The following PCP4L1 variants were observed in gnomAD, a reference collection of about 807,000 sequenced individuals.
The protein encoded by PCP4L1 is Purkinje cell protein 4-like protein 1.
Under a neutral mutation model 9.6 loss-of-function variants are expected in PCP4L1, and 9 were observed. The observed-to-expected ratio is 0.94, with a 90% CI of 0.57 to 1.64. The LOEUF is 1.64. PCP4L1 is among the 40% of genes most tolerant of loss of function. The pLI is 0.00. For synonymous variants in PCP4L1, 31 were observed against 28.2 expected (o/e 1.10, Z -0.31); for missense variants, 81 against 80.8 (o/e 1.00, Z -0.01).
chr1:161,262,590 A>G (rs1669438444), intron 1 of PCP4L1, among the ~76,000 whole-genome samples: 1 of 152,142 alleles, frequency 6.6e-6, no homozygotes, highest in African/African-American at 2.4e-5. Context: ...GTAGAAGTGG[A>G]TGACTTTGTC....
intron 1 of PCP4L1, among the ~76,000 whole-genome samples, chr1:161,271,800 T>G (rs1669629104): frequency 6.7e-6 from 1 of 149,208 alleles, no homozygotes; most frequent in African/African-American, 2.5e-5. Context: ...CTGTGCCTGA[T>G]CTTTTTTTCT....
intron 1 of PCP4L1, among the ~76,000 whole-genome samples, chr1:161,276,893 A>AT (rs1320381929): frequency 3.3e-5 from 5 of 152,096 alleles, no homozygotes; most frequent in African/African-American, 1.2e-4. Context: ...ATTTTTAATA[A>AT]TTTTTTTCTA....
intron 1 of PCP4L1, among the ~76,000 whole-genome samples, chr1:161,263,189 C>T (rs1321559207): frequency 6.6e-6 from 1 of 152,146 alleles, no homozygotes; most frequent in Admixed American, 6.5e-5. Flanking sequence ...CCACAAGACT[C>T]CTTTAACATT....
intron 1 of PCP4L1, among the ~76,000 whole-genome samples, chr1:161,262,197 G>A (rs1669427965): frequency 6.6e-6 from 1 of 152,096 alleles, no homozygotes; most frequent in Non-Finnish European, 1.5e-5. Context: ...CACTTGGGGA[G>A]GCCAAGGTGG....
chr1:161,265,551 G>A (rs12754024), intron 1 of PCP4L1, among the ~76,000 whole-genome samples: 7,513 of 151,950 alleles, frequency 0.049, 251 homozygotes, highest in Non-Finnish European at 0.072. Context: ...AGATGGGGAA[G>A]GAAGAATGAG....
At chr1:161,262,193 G>A (rs778239032) in intron 1 of PCP4L1, among the ~76,000 whole-genome samples, 3 of 152,102 alleles carry the variant, frequency 2.0e-5, no homozygotes, top group Non-Finnish European at 4.4e-5. Flanking sequence ...CCAACACTTG[G>A]GGAGGCCAAG....
At chr1:161,274,933 G>A (rs1286813958) in intron 1 of PCP4L1, among the ~76,000 whole-genome samples, 1 of 152,172 alleles carries the variant, frequency 6.6e-6, no homozygotes, top group African/African-American at 2.4e-5. Flanking sequence ...AGCATCCTTT[G>A]CTGGTTTCCC....
chr1:161,281,496 C>A (rs1425214312), intron 1 of PCP4L1, among the ~76,000 whole-genome samples: 1 of 147,500 alleles, frequency 6.8e-6, no homozygotes, highest in Admixed American at 6.7e-5. Flanking sequence ...CCGGACTGGG[C>A]GGCTGGCCGG....
rs1032075262 is a variant in PCP4L1, at chr1:161,283,872, C to T, written c.64+150C>T. Reference sequence around the variant, plus strand: ...AAAGTACCAGTTTGGAACTACAGTACTATATCTATAGGCTTCCTTCTATTT... The same window carrying T: ...AAAGTACCAGTTTGGAACTACAGTATTATATCTATAGGCTTCCTTCTATTT... On this transcript the variant is annotated intron_variant, in intron 2 of 2. Transcript: ENST00000504449. The T allele has an allele frequency of 4.0e-6, 3 of 745,514 alleles. No homozygotes were observed. The South Asian group carries it at 5.7e-5, about 14-fold the overall frequency. The allele number at this position is 745,514 out of a possible 1,614,324, so 46.2% of individuals were successfully genotyped here. A position where few individuals can be genotyped will look rare whatever the true frequency, so the allele number is the denominator to read the frequency against.
At chr1:161,282,574 G>A (rs1179137277) in intron 1 of PCP4L1, among the ~76,000 whole-genome samples, 3 of 152,122 alleles carry the variant, frequency 2.0e-5, no homozygotes, top group Admixed American at 2.0e-4. Context: ...CTCCCTAACT[G>A]ATATCTATAG....
intron 1 of PCP4L1, among the ~76,000 whole-genome samples, chr1:161,281,539 G>A (rs577057336): frequency 5.1e-4 from 77 of 151,014 alleles, no homozygotes; most frequent in African/African-American, 1.8e-3. Context: ...CCTCCCGGAC[G>A]GGGCAGCTGG....
At chr1:161,266,216 G>A (rs1360391382) in intron 1 of PCP4L1, among the ~76,000 whole-genome samples, 2 of 152,170 alleles carry the variant, frequency 1.3e-5, no homozygotes, top group African/African-American at 4.8e-5. Context: ...TTATCGTTCT[G>A]TTGTCCTTGG....
rs56063771 is a variant in PCP4L1 at position 161,285,057 on chromosome 1, G to A, written c.*576G>A. The A allele has an allele frequency of 0.023, 3,557 of 153,224 alleles. 70 individuals are homozygous for A. Among genetic ancestry groups the A allele is most frequent in the Admixed American group, 0.034 (521 of 15,416 alleles). The allele number at this position is 153,224 out of a possible 1,614,324, so 9.5% of individuals were successfully genotyped here. On this transcript the variant is annotated 3_prime_UTR_variant, in exon 3 of 3. Transcript: ENST00000504449. ...GAGTAGATTAGTTCCAAGGAAGGGA[G>A]ACTGGAATGCTGGTGTCAAGGAAAA...
intron 1 of PCP4L1, among the ~76,000 whole-genome samples, chr1:161,262,909 CTATTT>C (rs1571790027): frequency 2.0e-5 from 3 of 152,128 alleles, no homozygotes; most frequent in Admixed American, 2.0e-4. Context: ...TTTCATGAGT[CTATTT>C]TATCATAGAG....
At chr1:161,269,054 G>T (rs1337682417) in intron 1 of PCP4L1, among the ~76,000 whole-genome samples, 1 of 133,100 alleles carries the variant, frequency 7.5e-6, no homozygotes, top group Non-Finnish European at 1.6e-5. Context: ...AAGCCTAACA[G>T]AATTTTATTT....
chr1:161,273,438 A>G (rs570862565), intron 1 of PCP4L1, among the ~76,000 whole-genome samples: 2 of 152,264 alleles, frequency 1.3e-5, no homozygotes, highest in South Asian at 2.1e-4. Context: ...ACAAACAAAC[A>G]AACAAAACCC....
At chr1:161,263,218 G>GTTTTT (rs1558141436) in intron 1 of PCP4L1, among the ~76,000 whole-genome samples, 22 of 149,276 alleles carry the variant, frequency 1.5e-4, no homozygotes, top group Non-Finnish European at 1.5e-5. Flanking sequence ...GTAAATACAG[G>GTTTTT]GTTTTTGTTT....
Position 161,278,009 on chromosome 1 carries a change from C to T in PCP4L1, c.10-5659C>T, listed in dbSNP as rs566969287. On this transcript the variant is annotated intron_variant, in intron 1 of 2. Transcript: ENST00000504449. ...TCGAAGGGCAACCCCTCCACTTATG[C>T]ACCAGATCTATTTCCTCTTGCCTAT... Among the ~76,000 whole-genome samples the T allele has an allele frequency of 3.9e-5, 6 of 152,300 alleles. No individual in the cohort carries two copies. The South Asian group carries it at 8.3e-4, about 21-fold the overall frequency.
At chr1:161,284,045 T>G (rs567756350) in intron 2 of PCP4L1, among the ~76,000 whole-genome samples, 1 of 152,284 alleles carries the variant, frequency 6.6e-6, no homozygotes, top group African/African-American at 2.4e-5. Context: ...CTGAGGAAAG[T>G]GAGTGTGCAT....
Sources: gnomAD v4.1 joint callset for allele counts (sites outside exome capture counted in the v4.1 genomes callset) on GRCh38, gnomAD v4.1.1 for gene constraint, MANE v1.5 for transcripts, NCBI Gene and HGNC (gene_info 2026-07-23, HGNC 2026-07-21) for gene names.